Variants in IDO2 observed in about 807,000 individuals in gnomAD.
IDO2 encodes indoleamine 2,3-dioxygenase-like 1 protein.
IDO2 carries 46 observed loss-of-function variants against 45.1 expected under a neutral mutation model. The observed-to-expected ratio is 1.02, with a 90% CI of 0.80 to 1.30. IDO2 has a LOEUF of 1.30. IDO2 is among the 50% of genes most tolerant of loss of function. The pLI, the probability that IDO2 is intolerant of heterozygous loss-of-function variation, is 0.00. For synonymous variants in IDO2, 218 were observed against 184.9 expected, an observed-to-expected ratio of 1.18 and a Z score of -1.45; for missense variants, 544 against 491.8, an observed-to-expected ratio of 1.11 and a Z score of -1.00.
At chr8:39,955,782 T>C (rs1807883345) in intron 2 of IDO2, among the ~76,000 whole-genome samples, 2 of 152,210 alleles carry the variant, frequency 1.3e-5, no homozygotes, top group South Asian at 2.1e-4. Context: ...TGTCCTCTAC[T>C]GTAGTAGCTT....
intron 7 of IDO2, 40 bp from the exon 8 acceptor site, chr8:39,989,681 G>C (rs916768650): frequency 1.5e-6 from 2 of 1,370,900 alleles, no homozygotes; most frequent in Non-Finnish European, 2.0e-6. Context: ...TGGACTTTAA[G>C]GGAGTGCTAA....
At chr8:39,942,554 TG>T (rs1221597725) in intron 1 of IDO2, among the ~76,000 whole-genome samples, 1 of 151,972 alleles carries the variant, frequency 6.6e-6, no homozygotes, top group African/African-American at 2.4e-5. Context: ...GCAGAAGAAT[TG>T]CTTGAACCTG....
At chr8:40,003,431 C>G (rs1265964140) in intron 8 of IDO2, among the ~76,000 whole-genome samples, 1 of 147,882 alleles carries the variant, frequency 6.8e-6, no homozygotes, top group Non-Finnish European at 1.5e-5. Context: ...AGTTTTTCTT[C>G]AATTTCTTTC....
exon 8 of IDO2, chr8:39,989,804 T>G: frequency 6.2e-7 from 1 of 1,602,486 alleles, no homozygotes; most frequent in Admixed American, 1.7e-5. Flanking sequence ...GACTGTCTAT[T>G]CAGGACATCA....
At chr8:39,998,392 C>T (rs1214240975) in intron 8 of IDO2, 3 of 152,182 alleles carry the variant, frequency 2.0e-5, no homozygotes, top group African/African-American at 7.2e-5. Context: ...ATGCTGTCCT[C>T]ACTGTCATCA....
chr8:39,966,026 C>CTTTTTTTT (rs59731560), intron 3 of IDO2, among the ~76,000 whole-genome samples: 4 of 96,510 alleles, frequency 4.1e-5, no homozygotes, highest in Admixed American at 1.4e-4. Context: ...TCTATCGCTT[C>CTTTTTTTT]TTTTTTTTTT....
At chr8:39,948,108 C>A (rs771023180) in intron 1 of IDO2, among the ~76,000 whole-genome samples, 4 of 152,202 alleles carry the variant, frequency 2.6e-5, no homozygotes, top group Non-Finnish European at 5.9e-5. Flanking sequence ...TATTTCTTTA[C>A]GGCACGGAAG....
In IDO2 at chr8:39,935,098, A is replaced by G; in HGVS notation, c.-138A>G. ...GATTGGATTAGATTTGACATTAGAAATGTACCATAATACAGAAGGCAATGG... is the reference window on the plus strand; with the variant it reads ...GATTGGATTAGATTTGACATTAGAAGTGTACCATAATACAGAAGGCAATGG... On this transcript the variant is annotated 5_prime_UTR_variant, in exon 1 of 11. An upstream start codon of the reference 5' UTR is lost. Transcript: ENST00000502986. The G allele has an allele frequency of 1.0e-6, 1 of 1,000,522 alleles. No homozygotes were observed. The highest frequency in any genetic ancestry group is 1.3e-5 in the South Asian group (1 of 78,682). The allele number at this position is 1,000,522 out of a possible 1,614,324, so 62.0% of individuals were successfully genotyped here.
intron 2 of IDO2, among the ~76,000 whole-genome samples, chr8:39,958,238 C>T (rs1037049654): frequency 2.0e-5 from 3 of 150,110 alleles, no homozygotes; most frequent in East Asian, 4.0e-4. Context: ...GTCTTGCTCT[C>T]TTCCCCAGGC....
chr8:39,979,651 C>T (rs181278011), intron 4 of IDO2, among the ~76,000 whole-genome samples: 17 of 152,294 alleles, frequency 1.1e-4, no homozygotes, highest in Middle Eastern at 3.4e-3. Flanking sequence ...CTGCGTTCAG[C>T]CTGAAGGGCC....
intron 4 of IDO2, among the ~76,000 whole-genome samples, chr8:39,981,017 G>T (rs1043009230): frequency 3.4e-5 from 5 of 149,058 alleles, no homozygotes; most frequent in African/African-American, 1.2e-4. Flanking sequence ...CTCCCAAAGT[G>T]CTGTGATTAC....
At chr8:39,990,651 A>G (rs553159958) in intron 8 of IDO2, among the ~76,000 whole-genome samples, 1 of 152,268 alleles carries the variant, frequency 6.6e-6, no homozygotes, top group Non-Finnish European at 1.5e-5. Context: ...AATTGTCCTC[A>G]TTTTTCCTTT....
chr8:40,004,572 A>AGAT (rs879456657), intron 8 of IDO2, among the ~76,000 whole-genome samples: 3 of 136,662 alleles, frequency 2.2e-5, no homozygotes, highest in East Asian at 2.1e-4. Flanking sequence ...GATAGACGAT[A>AGAT]GATAGATAGA....
At chr8:39,935,661 G>T (rs1158399689) in intron 1 of IDO2, among the ~76,000 whole-genome samples, 1 of 152,042 alleles carries the variant, frequency 6.6e-6, no homozygotes, top group Non-Finnish European at 1.5e-5. Flanking sequence ...TGTTGGCCAG[G>T]CTGGCCTCAA....
intron 9 of IDO2, among the ~76,000 whole-genome samples, chr8:40,009,423 G>C (rs1802277174): frequency 6.7e-6 from 1 of 149,724 alleles, no homozygotes; most frequent in Non-Finnish European, 1.5e-5. Context: ...AATTTCTTGA[G>C]GAAGTTAGCC....
At chr8:39,954,677 A>T (rs1330271772) in intron 2 of IDO2, among the ~76,000 whole-genome samples, 10 of 105,656 alleles carry the variant, frequency 9.5e-5, no homozygotes, top group African/African-American at 2.7e-4. Context: ...TTTTTTTGAG[A>T]CAGAGTTGCA....
chr8:40,007,613 A>T (rs548429619), intron 9 of IDO2, among the ~76,000 whole-genome samples: 52 of 152,340 alleles, frequency 3.4e-4, no homozygotes, highest in Middle Eastern at 3.4e-3. Flanking sequence ...TATACTATAG[A>T]TGCAGAAACA....
intron 2 of IDO2, among the ~76,000 whole-genome samples, chr8:39,954,857 A>G (rs777376403): frequency 5.9e-5 from 9 of 151,382 alleles, no homozygotes; most frequent in Non-Finnish European, 1.3e-4. Flanking sequence ...GGGTTTCGCT[A>G]TTTTGGTCAG....
intron 5 of IDO2, chr8:39,984,811 G>A (rs1198586712): frequency 2.9e-6 from 1 of 346,212 alleles, no homozygotes; most frequent in Admixed American, 4.3e-5. Context: ...AAAAATCTTG[G>A]TGATGAGGCA....
Sources: allele counts gnomAD v4.1 joint callset (sites outside exome capture counted in the v4.1 genomes callset), GRCh38; gene constraint gnomAD v4.1.1; transcripts MANE v1.5; gene names NCBI Gene and HGNC (gene_info 2026-07-23, HGNC 2026-07-21).